The following RBFOX1 variants were observed in gnomAD, a reference collection of about 807,000 sequenced individuals.
The protein encoded by RBFOX1 is RNA binding fox-1 homolog 1.
RBFOX1 carries 8 observed loss-of-function variants against 57.7 expected under a neutral mutation model. The observed-to-expected ratio is 0.14, with a 90% CI of 0.08 to 0.25. The LOEUF is 0.25. Among genes scored for constraint, RBFOX1 ranks in the 10% least tolerant of loss-of-function variants. The pLI is 1.00. For synonymous variants in RBFOX1, 326 were observed against 222.4 expected, an observed-to-expected ratio of 1.47 and a Z score of -4.15; for missense variants, 611 against 548.5, an observed-to-expected ratio of 1.11 and a Z score of -1.14.
At chr16:5,553,629 T>A (rs2045553766) in intron 2 of RBFOX1, among the ~76,000 whole-genome samples, 1 of 146,728 alleles carries the variant, frequency 6.8e-6, no homozygotes, top group Non-Finnish European at 1.5e-5. Context: ...CTGAATATTT[T>A]AAAACTGTGC....
chr16:6,135,844 G>T (rs984788456), intron 1 of RBFOX1, among the ~76,000 whole-genome samples: 3 of 142,646 alleles, frequency 2.1e-5, no homozygotes, highest in Non-Finnish European at 4.5e-5. Flanking sequence ...GCCCAGGCTG[G>T]AGTGCAGTGG....
At chr16:6,526,967 C>T (rs978758755) in intron 2 of RBFOX1, among the ~76,000 whole-genome samples, 1 of 151,572 alleles carries the variant, frequency 6.6e-6, no homozygotes, top group Non-Finnish European at 1.5e-5. Context: ...AGATCACATG[C>T]CTGTGCATTC....
At chr16:5,806,240 T>C (rs1283704658) in intron 3 of RBFOX1, among the ~76,000 whole-genome samples, 4 of 152,132 alleles carry the variant, frequency 2.6e-5, no homozygotes, top group Non-Finnish European at 4.4e-5. Flanking sequence ...TGAGACTGAG[T>C]GAATTATTAA....
At chr16:6,960,227 C>A (rs1308685620) in intron 3 of RBFOX1, among the ~76,000 whole-genome samples, 1 of 152,066 alleles carries the variant, frequency 6.6e-6, no homozygotes, top group African/African-American at 2.4e-5. Context: ...GCACCTGGAC[C>A]CATTTAGATT....
At chr16:6,743,573 C>A (rs956450868) in intron 3 of RBFOX1, among the ~76,000 whole-genome samples, 2 of 151,906 alleles carry the variant, frequency 1.3e-5, no homozygotes, top group African/African-American at 4.8e-5. Flanking sequence ...AAGACCCCAA[C>A]TGTACAAAAA....
At chr16:5,778,724 G>T (rs1212341435) in intron 3 of RBFOX1, among the ~76,000 whole-genome samples, 1 of 152,126 alleles carries the variant, frequency 6.6e-6, no homozygotes, top group East Asian at 1.9e-4. Flanking sequence ...CACTATGAGG[G>T]TGAATAGGAG....
chr16:7,329,391 G>A (rs1203527613), intron 4 of RBFOX1, among the ~76,000 whole-genome samples: 3 of 152,146 alleles, frequency 2.0e-5, no homozygotes, highest in Non-Finnish European at 2.9e-5. Context: ...CCCGACATTT[G>A]CCATGAACCA....
At chr16:7,560,532 C>CAAAAAA (rs35756861) in intron 5 of RBFOX1, among the ~76,000 whole-genome samples, 1 of 135,898 alleles carries the variant, frequency 7.4e-6, no homozygotes. Context: ...TGTAGAGTAT[C>CAAAAAA]AAAAAAAAAA....
intron 1 of RBFOX1, among the ~76,000 whole-genome samples, chr16:6,192,294 C>G (rs1022196631): frequency 1.3e-5 from 2 of 152,090 alleles, no homozygotes; most frequent in Admixed American, 1.3e-4. Context: ...CATGCCACAT[C>G]AAAATTGGCA....
chr16:6,713,911 T>C (rs2064229817), intron 3 of RBFOX1, among the ~76,000 whole-genome samples: 1 of 152,182 alleles, frequency 6.6e-6, no homozygotes, highest in South Asian at 2.1e-4. Context: ...ATCATCCTTT[T>C]CTCAGCTGGG....
chr16:6,663,291 A>G (rs1006708763), intron 3 of RBFOX1, among the ~76,000 whole-genome samples: 1 of 152,202 alleles, frequency 6.6e-6, no homozygotes, highest in African/African-American at 2.4e-5. Context: ...AAGTATTTGT[A>G]TATAGTTTGC....
intron 3 of RBFOX1, among the ~76,000 whole-genome samples, chr16:5,625,746 C>T (rs2048331713): frequency 6.6e-6 from 1 of 151,810 alleles, no homozygotes; most frequent in African/African-American, 2.4e-5. Context: ...TTGGTAGAGA[C>T]AGGGTTTCAT....
At chr16:5,969,230 T>C (rs2059911501) in intron 4 of RBFOX1, among the ~76,000 whole-genome samples, 1 of 151,958 alleles carries the variant, frequency 6.6e-6, no homozygotes, top group African/African-American at 2.4e-5. Flanking sequence ...GTAGAGATTT[T>C]AGTCTGCTCC....
At chr16:7,599,791 C>T (rs1391852268) in intron 9 of RBFOX1, among the ~76,000 whole-genome samples, 3 of 106,858 alleles carry the variant, frequency 2.8e-5, no homozygotes, top group Non-Finnish European at 5.7e-5. Flanking sequence ...TGCCACAATG[C>T]CTGGCTAGTT....
chr16:6,176,781 T>C (rs141360550), intron 1 of RBFOX1, among the ~76,000 whole-genome samples: 2 of 152,082 alleles, frequency 1.3e-5, no homozygotes, highest in African/African-American at 4.8e-5. Context: ...TCTTAATAAG[T>C]GGAGAATTGT....
intron 1 of RBFOX1, among the ~76,000 whole-genome samples, chr16:6,234,565 G>T (rs8045744): frequency 0.55 from 83,122 of 151,974 alleles, 22,907 homozygotes; most frequent in East Asian, 0.68. Flanking sequence ...GAGAAATGGG[G>T]TGGATGTGTG....
At chr16:6,217,703 C>T (rs2097344955) in intron 1 of RBFOX1, among the ~76,000 whole-genome samples, 1 of 152,190 alleles carries the variant, frequency 6.6e-6, no homozygotes, top group Non-Finnish European at 1.5e-5. Context: ...ACACCTGACA[C>T]CTAGTAGGCC....
chr16:5,382,550 C>G (rs1339241599), intron 1 of RBFOX1, among the ~76,000 whole-genome samples: 2 of 152,126 alleles, frequency 1.3e-5, no homozygotes, highest in Non-Finnish European at 2.9e-5. Flanking sequence ...CAGGACTCAC[C>G]TCCTCGTCTG....
chr16:7,296,566 A>G (rs1279674522), intron 4 of RBFOX1, among the ~76,000 whole-genome samples: 1 of 152,130 alleles, frequency 6.6e-6, no homozygotes, highest in African/African-American at 2.4e-5. Context: ...TCACATGCTC[A>G]TGTTCACGAT....
Sources: gnomAD v4.1 joint callset for allele counts (sites outside exome capture counted in the v4.1 genomes callset) on GRCh38, gnomAD v4.1.1 for gene constraint, MANE v1.5 for transcripts, NCBI Gene and HGNC (gene_info 2026-07-23, HGNC 2026-07-21) for gene names.